MAGI2: variants seen among roughly 807,000 people sequenced by gnomAD.
MAGI2 encodes membrane-associated guanylate kinase, WW and PDZ domain-containing protein 2.
MAGI2 carries 35 observed loss-of-function variants against 133.3 expected under a neutral mutation model. That is an observed-to-expected ratio of 0.26 (90% CI 0.20 to 0.35). The LOEUF (loss-of-function observed/expected upper bound fraction) is 0.35. Among genes scored for constraint, MAGI2 ranks in the 10% least tolerant of loss-of-function variants. The pLI is 1.00. For synonymous variants in MAGI2, 729 were observed against 710.6 expected, an observed-to-expected ratio of 1.03 and a Z score of -0.41; for missense variants, 1,636 against 1,863.4, an observed-to-expected ratio of 0.88 and a Z score of 2.25.
At chr7:78,930,019 T>C (rs1393205032) in intron 2 of MAGI2, among the ~76,000 whole-genome samples, 1 of 152,078 alleles carries the variant, frequency 6.6e-6, no homozygotes, top group Non-Finnish European at 1.5e-5. Flanking sequence ...ACGTCACCAG[T>C]AGAATACCTG....
chr7:78,598,306 C>T (rs1804829573), intron 3 of MAGI2, among the ~76,000 whole-genome samples: 1 of 152,032 alleles, frequency 6.6e-6, no homozygotes, highest in Non-Finnish European at 1.5e-5. Context: ...AAAGGGAGCT[C>T]TGGAAATATA....
At chr7:78,473,944 G>C (rs1374439616) in intron 6 of MAGI2, among the ~76,000 whole-genome samples, 2 of 152,002 alleles carry the variant, frequency 1.3e-5, no homozygotes, top group African/African-American at 2.4e-5. Context: ...AACTAGCCAT[G>C]AAACAGCTAC....
At chr7:78,333,442 C>T (rs1789437464) in intron 9 of MAGI2, among the ~76,000 whole-genome samples, 1 of 151,912 alleles carries the variant, frequency 6.6e-6, no homozygotes, top group South Asian at 2.1e-4. Context: ...AAGGTTCCCC[C>T]TTCTCTTGAG....
chr7:78,668,149 G>A (rs1585028389), intron 2 of MAGI2, among the ~76,000 whole-genome samples: 2 of 152,246 alleles, frequency 1.3e-5, no homozygotes, highest in African/African-American at 4.8e-5. Flanking sequence ...GCCAGTGATG[G>A]TGAGCATTTT....
At chr7:78,431,504 G>A (rs1674510982) in intron 6 of MAGI2, among the ~76,000 whole-genome samples, 1 of 152,070 alleles carries the variant, frequency 6.6e-6, no homozygotes, top group Admixed American at 6.6e-5. Flanking sequence ...AATCACATTA[G>A]CAGTTTTACA....
intron 1 of MAGI2, among the ~76,000 whole-genome samples, chr7:79,339,387 C>G (rs1422446819): frequency 6.6e-6 from 1 of 151,492 alleles, no homozygotes; most frequent in East Asian, 1.9e-4. Flanking sequence ...CACACTGTTA[C>G]AGATGATGCA....
At chr7:79,417,020 C>T (rs546674259) in intron 1 of MAGI2, among the ~76,000 whole-genome samples, 23 of 152,006 alleles carry the variant, frequency 1.5e-4, no homozygotes, top group Admixed American at 3.3e-4. Flanking sequence ...GCATGAGCCA[C>T]CATGCCCGGC....
intron 2 of MAGI2, among the ~76,000 whole-genome samples, chr7:78,632,236 A>C (rs1286630524): frequency 6.6e-6 from 1 of 152,230 alleles, no homozygotes; most frequent in Non-Finnish European, 1.5e-5. Flanking sequence ...GCAGATAATA[A>C]ATAAAAAATA....
At chr7:78,626,008 A>G (rs1041383712) in intron 3 of MAGI2, among the ~76,000 whole-genome samples, 1 of 152,194 alleles carries the variant, frequency 6.6e-6, no homozygotes, top group Non-Finnish European at 1.5e-5. Context: ...TAAGAGACAC[A>G]TGACTATAAA....
At chr7:78,783,709 A>C (rs1215103084) in intron 2 of MAGI2, among the ~76,000 whole-genome samples, 1 of 152,198 alleles carries the variant, frequency 6.6e-6, no homozygotes, top group African/African-American at 2.4e-5. Flanking sequence ...TCCTTCCTCA[A>C]GCAACCACAT....
chr7:78,047,756 G>A (rs911440128), intron 21 of MAGI2, among the ~76,000 whole-genome samples: 11 of 152,176 alleles, frequency 7.2e-5, no homozygotes, highest in African/African-American at 2.7e-4. Context: ...GGCCTGCACT[G>A]TGGGCCTTGT....
At chr7:79,198,538 A>T (rs1243582196) in intron 1 of MAGI2, among the ~76,000 whole-genome samples, 1 of 152,036 alleles carries the variant, frequency 6.6e-6, no homozygotes, top group Non-Finnish European at 1.5e-5. Flanking sequence ...GAAATAAGGA[A>T]GATAATTGAA....
intron 1 of MAGI2, among the ~76,000 whole-genome samples, chr7:79,356,929 A>G (rs540953027): frequency 1.6e-4 from 25 of 152,312 alleles, no homozygotes; most frequent in Non-Finnish European, 2.6e-4. Context: ...GCAAATTTCA[A>G]TTTTGCTTGA....
At chr7:78,472,684 G>A (rs1239155011) in intron 6 of MAGI2, among the ~76,000 whole-genome samples, 2 of 152,084 alleles carry the variant, frequency 1.3e-5, no homozygotes, top group African/African-American at 4.8e-5. Context: ...TAAACCCAGT[G>A]GAATGTTGGG....
intron 8 of MAGI2, 35 bp from the exon 9 acceptor site, chr7:78,343,995 G>T (rs765582221): frequency 4.4e-6 from 7 of 1,580,902 alleles, no homozygotes; most frequent in Non-Finnish European, 6.0e-6. Context: ...AAAGAAAAAG[G>T]CATGTTCAAG....
chr7:78,725,504 A>G (rs1417614795), intron 2 of MAGI2, among the ~76,000 whole-genome samples: 3 of 152,214 alleles, frequency 2.0e-5, no homozygotes, highest in Non-Finnish European at 4.4e-5. Context: ...GACAGAAATG[A>G]AAAGTTAAAC....
chr7:79,380,461 T>C (rs191291952), intron 1 of MAGI2, among the ~76,000 whole-genome samples: 2 of 151,918 alleles, frequency 1.3e-5, no homozygotes, highest in East Asian at 3.9e-4. Flanking sequence ...CATTACAGAA[T>C]GGCCACACTT....
intron 1 of MAGI2, among the ~76,000 whole-genome samples, chr7:79,332,857 C>T (rs537014769): frequency 2.6e-5 from 4 of 152,180 alleles, no homozygotes; most frequent in African/African-American, 4.8e-5. Context: ...ATTCATCATC[C>T]CTTTAGAGTT....
At chr7:78,152,094 A>G (rs1823934503) in intron 16 of MAGI2, among the ~76,000 whole-genome samples, 1 of 152,188 alleles carries the variant, frequency 6.6e-6, no homozygotes. Context: ...TAACAGACAC[A>G]ATAAAAGAAG....
Sources: gnomAD v4.1 joint callset for allele counts (sites outside exome capture counted in the v4.1 genomes callset) on GRCh38, gnomAD v4.1.1 for gene constraint, MANE v1.5 for transcripts, NCBI Gene and HGNC (gene_info 2026-07-23, HGNC 2026-07-21) for gene names.